Variants in TNFSF4 observed in about 807,000 individuals in gnomAD.
TNFSF4 encodes the protein tumor necrosis factor ligand superfamily member 4.
TNFSF4 carries 4 observed loss-of-function variants against 7.3 expected under a neutral mutation model. The ratio of observed to expected loss-of-function variants is 0.55; its 90% CI spans 0.27 to 1.25. The LOEUF (loss-of-function observed/expected upper bound fraction) is 1.25. TNFSF4 is among the 50% of genes most tolerant of loss of function. The pLI, the probability that TNFSF4 is intolerant of heterozygous loss-of-function variation, is 0.12. For missense variants in TNFSF4, 181 were observed against 208.8 expected (o/e 0.87, Z 0.82); for synonymous variants, 76 against 83.7 (o/e 0.91, Z 0.50).
At chr1:173,229,291 GA>G in the TNFSF4 span, among the ~76,000 whole-genome samples, 1 of 152,344 alleles carries the variant, frequency 6.6e-6, no homozygotes, top group East Asian at 1.9e-4. Context: ...CATTCTTAAA[GA>G]AAGGAATTTT....
At chr1:173,269,678 A>G in the TNFSF4 span, among the ~76,000 whole-genome samples, 1 of 152,136 alleles carries the variant, frequency 6.6e-6, no homozygotes, top group South Asian at 2.1e-4. Flanking sequence ...GGGATGGTGA[A>G]ATATTTCATC....
chr1:173,374,423 G>A, the TNFSF4 span, among the ~76,000 whole-genome samples: 1 of 152,088 alleles, frequency 6.6e-6, no homozygotes, highest in Non-Finnish European at 1.5e-5. Flanking sequence ...TGGCAGGAGT[G>A]AAATCTTAGA....
chr1:173,323,609 C>CT, the TNFSF4 span, among the ~76,000 whole-genome samples: 1 of 152,188 alleles, frequency 6.6e-6, no homozygotes, highest in East Asian at 1.9e-4. Flanking sequence ...AAGTTAAAAA[C>CT]TTTGAAAAAA....
chr1:173,385,845 A>G, the TNFSF4 span, among the ~76,000 whole-genome samples: 1 of 152,206 alleles, frequency 6.6e-6, no homozygotes, highest in Admixed American at 6.5e-5. Flanking sequence ...CTGTCTCAGA[A>G]AAAGAAAAAA....
chr1:173,243,852 G>A, the TNFSF4 span, among the ~76,000 whole-genome samples: 1 of 152,078 alleles, frequency 6.6e-6, no homozygotes, highest in African/African-American at 2.4e-5. Flanking sequence ...CCTCTTTTAT[G>A]TCTCTGCTTT....
At chr1:173,442,388 C>G in the TNFSF4 span, among the ~76,000 whole-genome samples, 11 of 152,034 alleles carry the variant, frequency 7.2e-5, no homozygotes, top group Non-Finnish European at 1.6e-4. Flanking sequence ...CCCTTCAAAA[C>G]AAAACCAAAT....
At chr1:173,238,982 G>A in the TNFSF4 span, among the ~76,000 whole-genome samples, 1 of 152,170 alleles carries the variant, frequency 6.6e-6, no homozygotes, top group African/African-American at 2.4e-5. Context: ...CTGCCACTTT[G>A]TGTGTATGAT....
the TNFSF4 span, among the ~76,000 whole-genome samples, chr1:173,339,223 A>T: frequency 1.7e-3 from 261 of 152,090 alleles, no homozygotes; most frequent in Non-Finnish European, 2.8e-3. Context: ...TACAAAAAAA[A>T]TTTTTTTAAT....
chr1:173,422,331 A>AAG, the TNFSF4 span, among the ~76,000 whole-genome samples: 1 of 151,186 alleles, frequency 6.6e-6, no homozygotes, highest in Non-Finnish European at 1.5e-5. Flanking sequence ...AGAGTGAAAA[A>AAG]AAAAAAAAAA....
At chr1:173,177,782 C>A in the TNFSF4 span, among the ~76,000 whole-genome samples, 43,884 of 151,808 alleles carry the variant, frequency 0.29, 6,710 homozygotes, top group African/African-American at 0.38. Context: ...CTTAAAAAAA[C>A]AACTTGCATC....
chr1:173,387,912 G>A, the TNFSF4 span, among the ~76,000 whole-genome samples: 2 of 152,280 alleles, frequency 1.3e-5, no homozygotes, highest in East Asian at 3.9e-4. Context: ...AGGATGGATT[G>A]GAAAACCATT....
the TNFSF4 span, among the ~76,000 whole-genome samples, chr1:173,445,979 C>G: frequency 6.6e-6 from 1 of 152,084 alleles, no homozygotes. Context: ...AATAAGCAAA[C>G]AATCTTCCAA....
chr1:173,338,988 T>C, the TNFSF4 span, among the ~76,000 whole-genome samples: 2 of 152,168 alleles, frequency 1.3e-5, no homozygotes, highest in African/African-American at 2.4e-5. Flanking sequence ...TTAGTATTAC[T>C]ATGCCCTGTG....
the TNFSF4 span, among the ~76,000 whole-genome samples, chr1:173,283,608 A>G: frequency 4.6e-5 from 7 of 152,156 alleles, no homozygotes; most frequent in Non-Finnish European, 1.0e-4. Flanking sequence ...AAGGCAAAAT[A>G]AAAACATTTC....
the TNFSF4 span, among the ~76,000 whole-genome samples, chr1:173,215,385 G>C: frequency 6.6e-6 from 1 of 152,112 alleles, no homozygotes; most frequent in Non-Finnish European, 1.5e-5. Context: ...GCTTCTTGAA[G>C]TTTCTCTAAC....
chr1:173,364,372 GGTGT>G, the TNFSF4 span, among the ~76,000 whole-genome samples: 1 of 132,000 alleles, frequency 7.6e-6, no homozygotes, highest in Non-Finnish European at 1.6e-5. Context: ...TATATATTGG[GGTGT>G]ATGTGTATAT....
At chr1:173,397,933 A>G in the TNFSF4 span, among the ~76,000 whole-genome samples, 1 of 152,198 alleles carries the variant, frequency 6.6e-6, no homozygotes, top group Non-Finnish European at 1.5e-5. Flanking sequence ...GACATAGATT[A>G]TCATAAGCTT....
At chr1:173,180,760 T>C (rs538099527), downstream of TNFSF4, among the ~76,000 whole-genome samples, 1 of 152,346 alleles carries the variant, frequency 6.6e-6, no homozygotes, top group South Asian at 2.1e-4. Flanking sequence ...TGGTATATTT[T>C]ATCAATGCTA....
At chr1:173,203,558 A>C (rs1650041184) in intron 1 of TNFSF4, among the ~76,000 whole-genome samples, 1 of 152,192 alleles carries the variant, frequency 6.6e-6, no homozygotes, top group Non-Finnish European at 1.5e-5. Context: ...TTATTAAATG[A>C]TACAAAGAAA....
Sources: allele counts gnomAD v4.1 joint callset (sites outside exome capture counted in the v4.1 genomes callset), GRCh38; gene constraint gnomAD v4.1.1; transcripts MANE v1.5; gene names NCBI Gene and HGNC (gene_info 2026-07-23, HGNC 2026-07-21).